The following SPRED3 variants were observed in gnomAD, a reference collection of about 807,000 sequenced individuals.
SPRED3 encodes sprouty-related, EVH1 domain-containing protein 3.
In SPRED3, 23 loss-of-function variants were observed where a neutral mutation model predicts 37.6. The observed-to-expected ratio is 0.61, with a 90% CI of 0.44 to 0.87. The LOEUF is 0.87. Among genes scored for constraint, SPRED3 ranks in the 40% least tolerant of loss-of-function variants. The pLI, the probability that SPRED3 is intolerant of heterozygous loss-of-function variation, is 0.00. For missense variants in SPRED3, 584 were observed against 618.6 expected (o/e 0.94, Z 0.59); for synonymous variants, 302 against 279.6 (o/e 1.08, Z -0.80).
chr19:38,390,429 G>GC lies in SPRED3; in HGVS notation c.130dup (p.Arg44ProfsTer43), dbSNP rs777573843. The stretch of plus-strand genomic sequence containing the variant: ...CCGAGGGGCCAGGCCCGAGGGGGGG[G>GC]CCCGCCAGGGGCACTACGTCATCCA... On this transcript the variant is annotated frameshift_variant, in exon 2 of 6. Coordinates refer to ENST00000691638, the MANE Select transcript of SPRED3 (RefSeq NM_001394336.1). LOFTEE classifies it high-confidence loss of function. The GC allele has an allele frequency of 2.1e-6, 3 of 1,399,572 alleles. No individual in the cohort carries two copies. The highest frequency in any genetic ancestry group is 2.8e-6 in the Non-Finnish European group (3 of 1,074,136). 86.7% of individuals were successfully genotyped at this position (1,399,572 alleles called of 1,614,324 possible). A position where few individuals can be genotyped will look rare whatever the true frequency, so the allele number is the denominator to read the frequency against.
At chr19:38,389,353 CGGGTCCCTAAGGTTGGGACGCCA>C (rs1367545249) in intron 1 of SPRED3, among the ~76,000 whole-genome samples, 1 of 152,034 alleles carries the variant, frequency 6.6e-6, no homozygotes, top group Non-Finnish European at 1.5e-5. Flanking sequence ...AGAGCTCGTC[CGGGTCCCTAAGGTTGGGACGCCA>C]GGGTCCCTGT....
Position 38,395,913 on chromosome 19 carries a change from G to A in SPRED3, c.1001G>A (p.Cys334Tyr). The A allele has an allele frequency of 6.6e-7, 1 of 1,511,538 alleles. No homozygotes were observed. Among genetic ancestry groups the A allele is most frequent in the Non-Finnish European group, 8.8e-7 (1 of 1,139,206 alleles). The allele number at this position is 1,511,538 out of a possible 1,614,324, so 93.6% of individuals were successfully genotyped here. The change falls in exon 6 of 6, where the codon TGC (cysteine) becomes TAC (tyrosine). Residue 334 changes from cysteine to tyrosine, a missense_variant. Around this residue, in one of 7 missense-constraint regions of SPRED3, gnomAD observed 67 missense variants for 57.4 expected, o/e 1.17. Transcript: ENST00000691638. This position sits in a 1 kb window ranked among gnomAD's most constrained non-coding sequence, Gnocchi z 5.2. ...LLVRRLSCLWCAESLLYHCLS... is the reference protein window; with the variant it reads ...LLVRRLSCLWYAESLLYHCLS... The stretch of plus-strand genomic sequence containing the variant: ...GTGCGCCGTCTAAGCTGCCTGTGGT[G>A]CGCCGAGAGCTTGCTCTACCACTGC...
intron 2 of SPRED3, 120 bp downstream of exon 2, chr19:38,390,599 T>A: frequency 2.5e-6 from 2 of 799,400 alleles, no homozygotes. Context: ...GGGTGTGAAG[T>A]TTGGGAGTGA....
chr19:38,392,611 AAT>A, intron 4 of SPRED3: 1 of 215,620 alleles, frequency 4.6e-6, no homozygotes, highest in Non-Finnish European at 8.9e-6. Context: ...AATTAAAAAA[AAT>A]ATATATATAA....
chr19:38,389,330 G>A (rs1970793353), intron 1 of SPRED3, among the ~76,000 whole-genome samples: 1 of 152,120 alleles, frequency 6.6e-6, no homozygotes, highest in South Asian at 2.1e-4. Flanking sequence ...GCCTGCAGGT[G>A]GGGGAGGGGG....
intron 2 of SPRED3, among the ~76,000 whole-genome samples, chr19:38,391,068 T>C (rs1040439957): frequency 6.6e-6 from 1 of 151,766 alleles, no homozygotes; most frequent in African/African-American, 2.4e-5. Context: ...GTTTTTTTTT[T>C]GGAGCAGGAG....
chr19:38,391,325 A>G (rs75525668), intron 2 of SPRED3, among the ~76,000 whole-genome samples: 3,727 of 134,158 alleles, frequency 0.028, 52 homozygotes, highest in Middle Eastern at 0.07. Flanking sequence ...GCTCATCTGG[A>G]AAAAAAAAAA....
chr19:38,395,826 G>A lies in SPRED3; in HGVS notation c.914G>A (p.Arg305His). 6 of 1,465,220 alleles carry A rather than the reference G, an allele frequency of 4.1e-6. No individual in the cohort carries two copies. The highest frequency in any genetic ancestry group is 5.4e-6 in the Non-Finnish European group (6 of 1,116,878). The allele number at this position is 1,465,220 out of a possible 1,614,324, so 90.8% of individuals were successfully genotyped here. ...TGCGTGCATTGCCGCGCGCTCTTCC[G>A]TCGCAGAGCAGACGGGCGTGGCGGC... ...ARCVHCRALFRRRADGRGGRC... is the reference protein window; with the variant it reads ...ARCVHCRALFHRRADGRGGRC... Residue 305 changes from arginine to histidine, a missense_variant, in exon 6 of 6, where the codon CGT becomes CAT. Coordinates refer to ENST00000691638, the MANE Select transcript of SPRED3 (RefSeq NM_001394336.1). The surrounding 1 kb of genome is among the most constrained non-coding windows in gnomAD (Gnocchi z 5.2).
At chr19:38,394,119 G>T (rs1168148468) in intron 4 of SPRED3, among the ~76,000 whole-genome samples, 1 of 152,224 alleles carries the variant, frequency 6.6e-6, no homozygotes, top group East Asian at 1.9e-4. Context: ...GGAAGCTAAG[G>T]GTCTGAGAAG....
intron 4 of SPRED3, 188 bp downstream of exon 4, chr19:38,392,476 G>T: frequency 1.6e-6 from 1 of 632,594 alleles, no homozygotes; most frequent in South Asian, 3.4e-5. Context: ...TGATTCACAC[G>T]TTCATTCAAG....
At position 38,392,095 on chromosome 19, in the gene SPRED3, G is replaced by C; in HGVS notation, c.327G>C (p.Ala109=). The part of the protein sequence containing the change: ...ADEFQKSLLA[A]LAALGRGSLT... The stretch of plus-strand genomic sequence containing the variant: ...AGTTCCAGAAGAGCCTGCTGGCTGC[G>C]CTGGCCGCACTGGGTCGAGGTGAGC... Residue 109 remains alanine, a synonymous_variant, in exon 3 of 6, where the codon GCG becomes GCC. Transcript: ENST00000691638. 6.2e-7 allele frequency: 1 copy of C among 1,614,156 alleles called. No homozygotes were observed. Among genetic ancestry groups the C allele is most frequent in the Non-Finnish European group, 8.5e-7 (1 of 1,180,022 alleles).
rs1174291822 is a variant in SPRED3 at position 38,398,332 on chromosome 19, G to T, written c.*2187G>T. The T allele has an allele frequency of 6.6e-6, 1 of 152,200 alleles. No individual in the cohort carries two copies. Among genetic ancestry groups the T allele is most frequent in the Non-Finnish European group, 1.5e-5 (1 of 68,080 alleles). The allele number at this position is 152,200 out of a possible 1,614,324, so 9.4% of individuals were successfully genotyped here. On this transcript the variant is annotated 3_prime_UTR_variant, in exon 6 of 6. Transcript: ENST00000691638. ...GCTCACCACAACCTCCCCCTCCCGG[G>T]TTCAAGCCATTCGTCTGCCTCAGCC...
Position 38,394,673 on chromosome 19 carries a change from C to A in SPRED3, c.454C>A (p.His152Asn). 6.3e-7 allele frequency: 1 copy of A among 1,598,700 alleles called. No homozygotes were observed. Among genetic ancestry groups the A allele is most frequent in the African/African-American group, 1.3e-5 (1 of 74,952 alleles). The change falls in exon 5 of 6, where the codon CAC becomes AAC. Residue 152 changes from histidine to asparagine, a missense_variant. Physicochemically the swap from His to Asn is moderately conservative, Grantham distance 68. Coordinates refer to ENST00000691638, the MANE Select transcript of SPRED3 (RefSeq NM_001394336.1). ...CGTGGACAGCGACTCCTCCTCCAGT[C>A]ACAGCCGCCAGGAGACTCCTCCCAG... Reference protein sequence around the residue: ...SHVDSDSSSSHSRQETPPSAA... With the variant: ...SHVDSDSSSSNSRQETPPSAA...
Position 38,395,515 on chromosome 19 carries a change from G to T in SPRED3, c.603G>T (p.Pro201=). 1 of 1,524,432 alleles carries T rather than the reference G, an allele frequency of 6.6e-7. No individual in the cohort carries two copies. The allele number at this position is 1,524,432 out of a possible 1,614,324, so 94.4% of individuals were successfully genotyped here. A position where few individuals can be genotyped will look rare whatever the true frequency, so the allele number is the denominator to read the frequency against. Residue 201 remains proline, a synonymous_variant, in exon 6 of 6, where the codon CCG becomes CCT. Coordinates refer to ENST00000691638, the MANE Select transcript of SPRED3 (RefSeq NM_001394336.1). This position sits in a 1 kb window ranked among gnomAD's most constrained non-coding sequence, Gnocchi z 5.2. ...CGCTTCTACCGTTCACGGGGATTCC[G>T]GAACCCTCAGAGCCCCTGGCAGGGG... ...YPPLLPFTGI[P]EPSEPLAGAG...
In SPRED3 at chr19:38,395,547, G is replaced by A. The variant is rs370718974; in HGVS notation, c.635G>A (p.Gly212Asp). 813 of 1,553,790 alleles carry A rather than the reference G, an allele frequency of 5.2e-4. 2 individuals are homozygous for A. The highest frequency in any genetic ancestry group is 3.5e-4 in the Non-Finnish European group (403 of 1,153,248). Reference sequence around the variant, plus strand: ...TCAGAGCCCCTGGCAGGGGCAGGGGGCCTGGGGTGGGGCGGCCGCGGCTAC... The same window carrying A: ...TCAGAGCCCCTGGCAGGGGCAGGGGACCTGGGGTGGGGCGGCCGCGGCTAC... ...EPSEPLAGAG[G>D]LGWGGRGYED... The change falls in exon 6 of 6, where the codon GGC becomes GAC. Residue 212 changes from glycine to aspartate, a missense_variant. Physicochemically the swap from Gly to Asp is moderately conservative, Grantham distance 94. This residue lies in a region of SPRED3 where 310 missense variants were observed against 281.1 expected (regional missense o/e 1.10). Transcript: ENST00000691638. This position sits in a 1 kb window ranked among gnomAD's most constrained non-coding sequence, Gnocchi z 5.2.
intron 3 of SPRED3, 30 bp downstream of exon 3, chr19:38,392,144 G>A (rs1970840380): frequency 1.2e-6 from 2 of 1,610,858 alleles, no homozygotes; most frequent in African/African-American, 1.3e-5. Flanking sequence ...TGCACTGTGG[G>A]CTGGCCTGGG....
chr19:38,395,816 G>T lies in SPRED3; in HGVS notation c.904G>T (p.Ala302Ser). Residue 302 changes from alanine (A) to serine (S), a missense_variant, in exon 6 of 6, where the codon GCG (alanine) becomes TCG (serine). Coordinates refer to ENST00000691638, the MANE Select transcript of SPRED3 (RefSeq NM_001394336.1). This position sits in a 1 kb window ranked among gnomAD's most constrained non-coding sequence, Gnocchi z 5.2. ...EEAARCVHCR[A>S]LFRRRADGRG... ...GGCAGCGCGCTGCGTGCATTGCCGC[G>T]CGCTCTTCCGTCGCAGAGCAGACGG... The T allele has an allele frequency of 2.7e-6, 4 of 1,461,004 alleles. No homozygotes were observed. The highest frequency in any genetic ancestry group is 3.6e-6 in the Non-Finnish European group (4 of 1,114,702). The allele number at this position is 1,461,004 out of a possible 1,614,324, so 90.5% of individuals were successfully genotyped here. A position where few individuals can be genotyped will look rare whatever the true frequency, so the allele number is the denominator to read the frequency against.
chr19:38,395,743 C>T lies in SPRED3; in HGVS notation c.831C>T (p.Gly277=), dbSNP rs1293280743. 2.1e-6 allele frequency: 3 copies of T among 1,462,410 alleles called. No individual in the cohort carries two copies. The highest frequency in any genetic ancestry group is 1.8e-6 in the Non-Finnish European group (2 of 1,117,252). 90.6% of individuals were successfully genotyped at this position (1,462,410 alleles called of 1,614,324 possible). ...CGCCCCCCGCTCGCCCACCCCCCGG[C>T]CCGGGCCCATCCTCTGCGCCTGCCA... ...PPAPPARPPP[G]PGPSSAPAKA... The change falls in exon 6 of 6, where the codon GGC becomes GGT. Residue 277 remains glycine (G), a synonymous_variant. Coordinates refer to ENST00000691638, the MANE Select transcript of SPRED3 (RefSeq NM_001394336.1). This position sits in a 1 kb window ranked among gnomAD's most constrained non-coding sequence, Gnocchi z 5.2.
chr19:38,392,389 A>T, intron 4 of SPRED3, 101 bp downstream of exon 4: 1 of 1,291,522 alleles, frequency 7.7e-7, no homozygotes, highest in Non-Finnish European at 1.0e-6. Context: ...ACCATGCCAC[A>T]CACCGGGTAC....
Sources: allele counts gnomAD v4.1 joint callset (sites outside exome capture counted in the v4.1 genomes callset), GRCh38; gene constraint gnomAD v4.1.1; regional missense constraint gnomAD v4.1.1; non-coding constraint Gnocchi (gnomAD v3.1); transcripts MANE v1.5; gene names NCBI Gene and HGNC (gene_info 2026-07-23, HGNC 2026-07-21).